HDLBP: variants seen among roughly 807,000 people sequenced by gnomAD.
The protein encoded by HDLBP is high density lipoprotein binding protein.
HDLBP carries 30 observed loss-of-function variants against 137.3 expected under a neutral mutation model. The ratio of observed to expected loss-of-function variants is 0.22; its 90% CI spans 0.16 to 0.30. The LOEUF is 0.30. Ranked by LOEUF, HDLBP falls within the 10% of genes least tolerant of loss-of-function variation. HDLBP has a pLI of 1.00. For missense variants in HDLBP, 1,119 were observed against 1,667.3 expected (o/e 0.67, Z 5.73); for synonymous variants, 606 against 596.0 (o/e 1.02, Z -0.24).
At position 241,272,365 on chromosome 2, in the gene HDLBP, G is replaced by A. The variant is rs1232680425; in HGVS notation, c.-102-3824C>T. 8.1e-6 allele frequency: 8 copies of A among 984,090 alleles called. No homozygotes were observed. The highest frequency in any genetic ancestry group is 8.4e-6 in the Non-Finnish European group (7 of 829,630). The allele number at this position is 984,090 out of a possible 1,614,324, so 61.0% of individuals were successfully genotyped here. A position where few individuals can be genotyped will look rare whatever the true frequency, so the allele number is the denominator to read the frequency against. On this transcript the variant is annotated intron_variant, in intron 1 of 27. Coordinates refer to ENST00000310931, the MANE Select transcript of HDLBP (RefSeq NM_005336.6). This position sits in a 1 kb window ranked among gnomAD's most constrained non-coding sequence, Gnocchi z 5.6. The stretch of plus-strand genomic sequence containing the variant: ...GGCCCCGCCAACGTCAGCGACCTGG[G>A]CTCAGGTCGGCCGCCCCTCCGCGCC...
At chr2:241,249,695 C>T (rs2071966574) in intron 12 of HDLBP, 146 bp downstream of exon 12, 1 of 727,820 alleles carries the variant, frequency 1.4e-6, no homozygotes, top group East Asian at 2.7e-5. Flanking sequence ...AAATGTGGCC[C>T]CAGGGAGTCC....
chr2:241,257,452 C>G (rs532797138), intron 5 of HDLBP, among the ~76,000 whole-genome samples: 1 of 152,122 alleles, frequency 6.6e-6, no homozygotes, highest in Non-Finnish European at 1.5e-5. Flanking sequence ...CCGATGGTCT[C>G]GAATTCCTGA....
intron 1 of HDLBP, among the ~76,000 whole-genome samples, chr2:241,306,114 T>C (rs1362043263): frequency 6.6e-6 from 1 of 151,900 alleles, no homozygotes; most frequent in Non-Finnish European, 1.5e-5. Context: ...TTAAACGTGA[T>C]CACAAAATCA....
Position 241,255,040 on chromosome 2 carries a change from C to CAAATTCAATACAACAG in HDLBP, c.1188+10_1188+11insCTGTTGTATTGAATTT. On this transcript the variant is annotated intron_variant, in intron 9 of 27. Coordinates refer to ENST00000310931, the MANE Select transcript of HDLBP (RefSeq NM_005336.6). ...CAAATTCAATACAACAGGTGAAAAA[C>CAAATTCAATACAACAG]GTGTCCTTACCTTTGGCATCTGCTG... 1.3e-6 allele frequency: 2 copies of CAAATTCAATACAACAG among 1,571,740 alleles called. No homozygotes were observed. The highest frequency in any genetic ancestry group is 1.8e-6 in the Non-Finnish European group (2 of 1,141,488).
intron 5 of HDLBP, among the ~76,000 whole-genome samples, chr2:241,259,190 A>G (rs1344776237): frequency 2.0e-5 from 3 of 152,210 alleles, no homozygotes; most frequent in Non-Finnish European, 4.4e-5. Context: ...AAAAATAATA[A>G]AAGAAAAAAA....
intron 1 of HDLBP, among the ~76,000 whole-genome samples, chr2:241,283,919 A>C (rs187427606): frequency 3.6e-4 from 55 of 152,314 alleles, no homozygotes; most frequent in Admixed American, 3.2e-3. Flanking sequence ...AATTACACTA[A>C]ATATACTCTG....
chr2:241,288,921 T>C (rs1360168483), intron 1 of HDLBP, among the ~76,000 whole-genome samples: 3 of 152,152 alleles, frequency 2.0e-5, no homozygotes, highest in Non-Finnish European at 4.4e-5. Context: ...ACAAAATAAT[T>C]TGAAGTTTGA....
At chr2:241,253,536 G>A in intron 9 of HDLBP, 39 bp from the exon 10 acceptor site, 1 of 1,412,128 alleles carries the variant, frequency 7.1e-7, no homozygotes, top group Non-Finnish European at 1.0e-6. Flanking sequence ...AAAACAGAAT[G>A]GCACAGCTGC....
At chr2:241,245,959 C>A (rs1353108718) in intron 16 of HDLBP, among the ~76,000 whole-genome samples, 3 of 152,080 alleles carry the variant, frequency 2.0e-5, no homozygotes, top group African/African-American at 4.8e-5. Flanking sequence ...CAGGACTATT[C>A]TAAAAAACTT....
chr2:241,246,782 C>G lies in HDLBP; in HGVS notation c.1920G>C (p.Arg640=), dbSNP rs1202243913. The G allele has an allele frequency of 1.2e-6, 2 of 1,614,174 alleles. No homozygotes were observed. Among genetic ancestry groups the G allele is most frequent in the African/African-American group, 1.3e-5 (1 of 75,064 alleles). The change falls in exon 16 of 28, where the codon CGG becomes CGC. Residue 640 remains arginine, a synonymous_variant. Transcript: ENST00000310931. ...CTTTCTGAATAGACAGAATCCTGCT[C>G]CGGGCAGCTTCGCAGTTGGCTCGCT... The part of the protein sequence containing the change: ...TGKRANCEAA[R]SRILSIQKDL...
At position 241,229,915 on chromosome 2, in the gene HDLBP, G is replaced by A. The variant is rs149149076; in HGVS notation, c.3638C>T (p.Pro1213Leu). 2.1e-5 allele frequency: 34 copies of A among 1,602,212 alleles called. No individual in the cohort carries two copies. Among genetic ancestry groups the A allele is most frequent in the Non-Finnish European group, 2.9e-5 (34 of 1,174,034 alleles). ...DSEALQVYMK[P>L]PAHEEAKAPS... ...TGCCTTGGCCTCTTCGTGTGCTGGG[G>A]GTTTCATGTATACCTGCAGCGCCTC... The change falls in exon 27 of 28, where the codon CCC becomes CTC. Residue 1213 changes from proline to leucine, a missense_variant. Around this residue, in one of 4 missense-constraint regions of HDLBP, gnomAD observed 618 missense variants for 816.7 expected, o/e 0.76. Coordinates refer to ENST00000310931, the MANE Select transcript of HDLBP (RefSeq NM_005336.6).
chr2:241,313,099 T>G (rs1393185082), intron 1 of HDLBP, among the ~76,000 whole-genome samples: 2 of 152,214 alleles, frequency 1.3e-5, no homozygotes, highest in Non-Finnish European at 2.9e-5. Flanking sequence ...AAACCGCAGT[T>G]CAAGGACCAC....
At chr2:241,235,974 C>T (rs1017680448) in intron 21 of HDLBP, 2 of 219,498 alleles carry the variant, frequency 9.1e-6, no homozygotes, top group Admixed American at 1.0e-4. Context: ...TGCCCTGTCC[C>T]TTGGGATCAG....
intron 1 of HDLBP, among the ~76,000 whole-genome samples, chr2:241,284,201 A>G (rs1234501567): frequency 6.6e-6 from 1 of 152,206 alleles, no homozygotes; most frequent in Non-Finnish European, 1.5e-5. Context: ...TTAATACTTA[A>G]GAAATTATTT....
At chr2:241,304,111 G>C (rs575095578) in intron 1 of HDLBP, among the ~76,000 whole-genome samples, 1 of 152,306 alleles carries the variant, frequency 6.6e-6, no homozygotes, top group East Asian at 1.9e-4. Context: ...ATGTATTACA[G>C]GCATAAGCCA....
intron 21 of HDLBP, 99 bp downstream of exon 21, chr2:241,236,516 C>A (rs891096927): frequency 1.0e-5 from 13 of 1,243,936 alleles, no homozygotes; most frequent in Middle Eastern, 2.2e-4. Flanking sequence ...CTGCCACTGC[C>A]GCTTGGGCAA....
intron 21 of HDLBP, 40 bp downstream of exon 21, chr2:241,236,575 G>A: frequency 6.2e-7 from 1 of 1,606,846 alleles, no homozygotes; most frequent in South Asian, 1.1e-5. Context: ...CTGCTGACTG[G>A]GCCTTGGCGG....
At chr2:241,273,326 C>A in intron 1 of HDLBP, 1 of 799,584 alleles carries the variant, frequency 1.3e-6, no homozygotes, top group Non-Finnish European at 1.5e-6. Context: ...TATCCCCACC[C>A]GATTCCTTGG....
chr2:241,289,028 G>T (rs2074924809), intron 1 of HDLBP, among the ~76,000 whole-genome samples: 1 of 152,194 alleles, frequency 6.6e-6, no homozygotes, highest in Admixed American at 6.6e-5. Flanking sequence ...TGTTTATAAA[G>T]AACTCTGTTA....
Sources: gnomAD v4.1 joint callset for allele counts (sites outside exome capture counted in the v4.1 genomes callset) on GRCh38, gnomAD v4.1.1 for gene constraint, gnomAD v4.1.1 regional missense constraint, Gnocchi (gnomAD v3.1) non-coding constraint, MANE v1.5 for transcripts, NCBI Gene and HGNC (gene_info 2026-07-23, HGNC 2026-07-21) for gene names.